The following ATP7A variants were observed in gnomAD, a reference collection of about 807,000 sequenced individuals.
The protein encoded by ATP7A is copper-transporting ATPase 1.
ATP7A carries 7 observed loss-of-function variants against 83.5 expected under a neutral mutation model. The observed-to-expected ratio is 0.08, with a 90% CI of 0.05 to 0.16. The LOEUF is 0.16. ATP7A is among the 10% of genes least tolerant of loss of function. ATP7A has a pLI of 1.00. For missense variants in ATP7A, 940 were observed against 1,120.8 expected, an observed-to-expected ratio of 0.84 and a Z score of 2.30; for synonymous variants, 354 against 395.2, an observed-to-expected ratio of 0.90 and a Z score of 1.24.
intron 17 of ATP7A, 67 bp downstream of exon 17, chrX:78,033,888 C>G: frequency 1.9e-6 from 2 of 1,042,029 alleles, no homozygotes; most frequent in South Asian, 1.9e-5. Context: ...CTTTATAACC[C>G]TGAACTGTTA....
intron 1 of ATP7A, among the ~76,000 whole-genome samples, chrX:77,950,280 C>T (rs904601902): frequency 1.8e-5 from 2 of 112,035 alleles, no homozygotes; most frequent in South Asian, 7.3e-4. Context: ...TTCTCCCTTC[C>T]TCCCACAACA....
chrX:78,038,721 TC>T, intron 17 of ATP7A, 114 bp from the exon 18 acceptor site: 5 of 857,454 alleles, frequency 5.8e-6, no homozygotes, highest in Non-Finnish European at 8.4e-6. Context: ...GAGGCTATGT[TC>T]TAGGAGCAAT....
chrX:78,018,753 GT>G (rs1457978960), intron 12 of ATP7A, among the ~76,000 whole-genome samples: 2 of 112,112 alleles, frequency 1.8e-5, no homozygotes, highest in African/African-American at 6.5e-5. Flanking sequence ...CCAACGCTGG[GT>G]AATTTATGAA....
At chrX:77,980,478 C>T (rs1557230788) in intron 2 of ATP7A, among the ~76,000 whole-genome samples, 2 of 109,719 alleles carry the variant, frequency 1.8e-5, no homozygotes, top group East Asian at 2.9e-4. Flanking sequence ...ATAAAAATGA[C>T]CACATCAATG....
In ATP7A at chrX:78,011,729, G is replaced by C. The variant is rs782372890; in HGVS notation, c.2172+55G>C. The C allele has an allele frequency of 6.4e-6, 7 of 1,093,576 alleles. No homozygotes were observed. The African/African-American group carries it at 1.3e-4, about 20-fold the overall frequency. The allele number at this position is 1,093,576 out of a possible 1,213,427, so 90.1% of individuals were successfully genotyped here. A position where few individuals can be genotyped will look rare whatever the true frequency, so the allele number is the denominator to read the frequency against. ...TAATAATAAAAAATAAGCAAAATTT[G>C]GCAGGCAAGGTTTATTTTCAGCTAC... On this transcript the variant is annotated intron_variant, in intron 9 of 22. Coordinates refer to ENST00000341514, the MANE Select transcript of ATP7A (RefSeq NM_000052.7).
At chrX:77,916,372 GAAA>G (rs1296215594) in intron 1 of ATP7A, among the ~76,000 whole-genome samples, 1 of 98,169 alleles carries the variant, frequency 1.0e-5, no homozygotes, top group Non-Finnish European at 2.1e-5. Flanking sequence ...AAAAAAAAAA[GAAA>G]AAAAAAGAGA....
chrX:77,948,198 C>G (rs947137678), intron 1 of ATP7A, among the ~76,000 whole-genome samples: 4 of 109,453 alleles, frequency 3.7e-5, no homozygotes, highest in Non-Finnish European at 5.7e-5. Flanking sequence ...ACGATCTCGA[C>G]TCACTGCAAG....
chrX:77,947,212 T>TA (rs1173337332), intron 1 of ATP7A, among the ~76,000 whole-genome samples: 1 of 111,253 alleles, frequency 9.0e-6, no homozygotes, highest in East Asian at 2.8e-4. Flanking sequence ...CTAGAGTAGT[T>TA]AAAATCATAG....
chrX:77,951,671 C>A (rs1557226811), intron 1 of ATP7A, among the ~76,000 whole-genome samples: 1 of 110,007 alleles, frequency 9.1e-6, no homozygotes, highest in African/African-American at 3.3e-5. Context: ...CCTCTGCCTC[C>A]CAGGTTCAAG....
rs1384495572 is a variant in ATP7A, at chrX:78,012,957, G to A, written c.2251G>A (p.Val751Met). Residue 751 changes from valine (V) to methionine (M), a missense_variant, in exon 10 of 23, where the codon GTG (valine) becomes ATG (methionine). By Grantham distance (21) the Val-to-Met change is conservative (BLOSUM62 1). Around this residue, in one of 3 missense-constraint regions of ATP7A, gnomAD observed 204 missense variants for 185.8 expected, o/e 1.10. Coordinates refer to ENST00000341514, the MANE Select transcript of ATP7A (RefSeq NM_000052.7). ...GACAGCAAATATGGACGTACTGATT[G>A]TGCTGGCAACCACCATTGCATTTGC... ...HKTANMDVLI[V>M]LATTIAFAYS... 14 of 1,209,660 alleles carry A rather than the reference G, an allele frequency of 1.2e-5. No homozygotes were observed. The highest frequency in any genetic ancestry group is 1.6e-5 in the Non-Finnish European group (14 of 895,116).
intron 1 of ATP7A, among the ~76,000 whole-genome samples, chrX:77,933,223 A>T (rs2077299617): frequency 8.9e-6 from 1 of 111,844 alleles, no homozygotes; most frequent in Non-Finnish European, 1.9e-5. Flanking sequence ...AGGCACAGAG[A>T]TTAAATAGCT....
intron 1 of ATP7A, among the ~76,000 whole-genome samples, chrX:77,928,637 A>G (rs1351483699): frequency 1.8e-5 from 2 of 111,996 alleles, no homozygotes; most frequent in East Asian, 2.8e-4. Flanking sequence ...TTATAGCACT[A>G]TTAATATATA....
rs1557231729 is a variant in ATP7A at position 77,989,227 on chromosome X, A to G, written c.611-6A>G. ...TGAATTAATTATATTTCTTTTTATT[A>G]ACTAGTCTCCCTGGACAATCAAGAA... On this transcript the variant is annotated splice_polypyrimidine_tract_variant and splice_region_variant and intron_variant, in intron 3 of 22. Transcript: ENST00000341514. 4 of 1,199,569 alleles carry G rather than the reference A, an allele frequency of 3.3e-6. No individual in the cohort carries two copies. Among genetic ancestry groups the G allele is most frequent in the Non-Finnish European group, 4.5e-6 (4 of 887,502 alleles).
At chrX:78,040,843 G>C (rs1244357992) in intron 19 of ATP7A, 110 bp downstream of exon 19, 3 of 960,142 alleles carry the variant, frequency 3.1e-6, no homozygotes, top group Non-Finnish European at 2.9e-6. Context: ...TCACTGAGTA[G>C]TCCTATCTGG....
At chrX:77,953,642 T>C (rs2077425737) in intron 1 of ATP7A, among the ~76,000 whole-genome samples, 1 of 112,391 alleles carries the variant, frequency 8.9e-6, no homozygotes, top group Admixed American at 9.5e-5. Flanking sequence ...GGCACATATA[T>C]ACTTGAGGCA....
intron 4 of ATP7A, among the ~76,000 whole-genome samples, chrX:77,994,476 A>G (rs1342295230): frequency 9.0e-5 from 10 of 111,597 alleles, no homozygotes; most frequent in Admixed American, 2.9e-4. Context: ...AGAGTACTTG[A>G]TCAGTCTCTG....
intron 6 of ATP7A, among the ~76,000 whole-genome samples, chrX:78,005,410 G>A (rs976321480): frequency 3.6e-5 from 4 of 110,383 alleles, no homozygotes; most frequent in Admixed American, 9.7e-5. Flanking sequence ...GGCTGGGTGC[G>A]GTGGCTCATG....
rs1351800171 is a variant in ATP7A, at chrX:78,049,243, T to C, written c.*2673T>C. The C allele has an allele frequency of 2.7e-5, 3 of 112,017 alleles. No homozygotes were observed. Among genetic ancestry groups the C allele is most frequent in the Non-Finnish European group, 5.6e-5 (3 of 53,115 alleles). The allele number at this position is 112,017 out of a possible 1,213,427, so 9.2% of individuals were successfully genotyped here. On this transcript the variant is annotated 3_prime_UTR_variant, in exon 23 of 23. Coordinates refer to ENST00000341514, the MANE Select transcript of ATP7A (RefSeq NM_000052.7). The stretch of plus-strand genomic sequence containing the variant: ...AGTAATGAGAAATTTTATAAATGTG[T>C]ATTTCTGTGTATTCACATACATATA...
intron 6 of ATP7A, among the ~76,000 whole-genome samples, chrX:78,008,167 A>G (rs2077790909): frequency 1.8e-5 from 2 of 111,929 alleles, no homozygotes; most frequent in South Asian, 7.3e-4. Flanking sequence ...TACAGAGGAG[A>G]GAATTTTAGA....
Sources: gnomAD v4.1 joint callset for allele counts (sites outside exome capture counted in the v4.1 genomes callset) on GRCh38, gnomAD v4.1.1 for gene constraint, gnomAD v4.1.1 regional missense constraint, MANE v1.5 for transcripts, NCBI Gene and HGNC (gene_info 2026-07-23, HGNC 2026-07-21) for gene names.